DYM: variants seen among roughly 807,000 people sequenced by gnomAD.
DYM encodes dyggve-Melchior-Clausen syndrome protein.
A neutral mutation model predicts 93.1 loss-of-function variants in DYM; 78 were observed. The observed-to-expected ratio is 0.84, with a 90% CI of 0.70 to 1.01. DYM has a LOEUF of 1.01. Ranked by LOEUF, DYM falls within the 50% of genes least tolerant of loss-of-function variation. The pLI, the probability that DYM is intolerant of heterozygous loss-of-function variation, is 0.00. For missense variants in DYM, 789 were observed against 845.0 expected (o/e 0.93, Z 0.82); for synonymous variants, 321 against 319.7 (o/e 1.00, Z -0.04).
chr18:49,162,310 G>A (rs1004694966), intron 15 of DYM, among the ~76,000 whole-genome samples: 1 of 152,104 alleles, frequency 6.6e-6, no homozygotes, highest in Non-Finnish European at 1.5e-5. Flanking sequence ...TACAGTTATG[G>A]AGGCTGGGAA....
chr18:49,364,771 T>C (rs1166931538), intron 5 of DYM, among the ~76,000 whole-genome samples: 3 of 152,160 alleles, frequency 2.0e-5, no homozygotes, highest in African/African-American at 4.8e-5. Flanking sequence ...ATCCACTACA[T>C]GCCATTTCAC....
chr18:49,204,759 C>T (rs1662796819), intron 14 of DYM, among the ~76,000 whole-genome samples: 1 of 152,114 alleles, frequency 6.6e-6, no homozygotes, highest in Non-Finnish European at 1.5e-5. Context: ...ACTAAAAAAG[C>T]CTAGCAATGA....
At chr18:49,119,717 C>T (rs1351791200) in intron 15 of DYM, among the ~76,000 whole-genome samples, 1 of 152,126 alleles carries the variant, frequency 6.6e-6, no homozygotes, top group East Asian at 1.9e-4. Flanking sequence ...AAAATATCAA[C>T]ACTACTAGAC....
chr18:49,238,293 G>A (rs1402382063), intron 13 of DYM, among the ~76,000 whole-genome samples: 1 of 152,084 alleles, frequency 6.6e-6, no homozygotes, highest in Non-Finnish European at 1.5e-5. Flanking sequence ...ATATTTAAGA[G>A]CTATGTGATA....
At chr18:49,326,853 G>T (rs1323258492) in intron 8 of DYM, among the ~76,000 whole-genome samples, 2 of 152,090 alleles carry the variant, frequency 1.3e-5, no homozygotes, top group Non-Finnish European at 2.9e-5. Context: ...AGGACAGTTG[G>T]ATGCTAAATT....
chr18:49,378,623 G>T lies in DYM; in HGVS notation c.365C>A (p.Ser122Ter). ...AAAATGAAGTTGTAATTCCTCCTCT[G>T]ACATCTGACAGATGAACACTTTCAG... Reference protein sequence around the residue: ...CLLKVFICQMSEEELQLHFTY... With the variant: ...CLLKVFICQM Residue 122 changes from serine (S) to a stop codon, truncating the protein, a stop_gained, in exon 5 of 18, where the codon TCA becomes TAA. Transcript: ENST00000675505. LOFTEE classifies it high-confidence loss of function. 2 of 1,612,688 alleles carry T rather than the reference G, an allele frequency of 1.2e-6. No individual in the cohort carries two copies. Among genetic ancestry groups the T allele is most frequent in the Non-Finnish European group, 1.7e-6 (2 of 1,178,988 alleles).
At chr18:49,358,655 A>G (rs7242873) in intron 6 of DYM, among the ~76,000 whole-genome samples, 17,731 of 152,184 alleles carry the variant, frequency 0.12, 1,268 homozygotes, top group East Asian at 0.31. Flanking sequence ...TCACAGGTTC[A>G]TAAGAAAGAC....
At chr18:49,389,048 T>A (rs560783980) in intron 3 of DYM, among the ~76,000 whole-genome samples, 18 of 152,188 alleles carry the variant, frequency 1.2e-4, no homozygotes, top group African/African-American at 1.7e-4. Context: ...TACTTATTGA[T>A]GTGAAGAGGT....
chr18:49,229,010 C>CA (rs2093621112), intron 13 of DYM, among the ~76,000 whole-genome samples: 1 of 152,050 alleles, frequency 6.6e-6, no homozygotes, highest in Non-Finnish European at 1.5e-5. Context: ...CCAATGGTTA[C>CA]TCATCAGTTT....
At chr18:49,093,829 T>C (rs2079301921) in intron 17 of DYM, among the ~76,000 whole-genome samples, 1 of 152,164 alleles carries the variant, frequency 6.6e-6, no homozygotes, top group Non-Finnish European at 1.5e-5. Flanking sequence ...GACCCCTGAA[T>C]AGGAGCAAAG....
rs765093958 is a variant in DYM at position 49,257,035 on chromosome 18, G to A, written c.1435C>T (p.Gln479Ter). The A allele has an allele frequency of 6.2e-7, 1 of 1,613,896 alleles. No homozygotes were observed. Among genetic ancestry groups the A allele is most frequent in the East Asian group, 2.2e-5 (1 of 44,844 alleles). ...CTGATGATCCTCTGGGCAGCATACT[G>A]ATGGAGAGAACGAAACTGTGCCGAC... ...NMSAQFRSLH[Q>*]YAAQRIISYT... is the part of the protein sequence containing the mutation. The change falls in exon 13 of 18, where the codon CAG (glutamine) becomes TAG (stop). Residue 479 changes from glutamine to a stop codon, truncating the protein, a stop_gained. Transcript: ENST00000675505. LOFTEE classifies it high-confidence loss of function.
At chr18:49,285,427 A>G (rs1010514609) in intron 9 of DYM, among the ~76,000 whole-genome samples, 1 of 152,230 alleles carries the variant, frequency 6.6e-6, no homozygotes, top group African/African-American at 2.4e-5. Context: ...CATGCACTGC[A>G]TAATAACGTT....
chr18:49,204,536 A>T (rs1371604487), intron 14 of DYM, among the ~76,000 whole-genome samples: 1 of 152,222 alleles, frequency 6.6e-6, no homozygotes, highest in African/African-American at 2.4e-5. Flanking sequence ...CACCAAACTT[A>T]TTCACTACTC....
In DYM at chr18:49,335,789, A is replaced by G. The variant is rs558593442; in HGVS notation, c.495-1936T>C. On this transcript the variant is annotated intron_variant, in intron 6 of 17. Coordinates refer to ENST00000675505, the MANE Select transcript of DYM (RefSeq NM_001353214.3). ...ATAGGCAGATGGATGACTATGTCCA[A>G]TACATTTGCAAACGTTTTCTGTCTT... is the stretch of plus-strand genomic sequence containing the variant. Among the ~76,000 whole-genome samples, 3 of 151,556 alleles carry G rather than the reference A, an allele frequency of 2.0e-5. No homozygotes were observed. In the South Asian group the frequency reaches 6.3e-4, roughly 32 times the overall value.
At chr18:49,278,837 A>AT (rs1303479088) in intron 10 of DYM, among the ~76,000 whole-genome samples, 1 of 152,026 alleles carries the variant, frequency 6.6e-6, no homozygotes, top group Non-Finnish European at 1.5e-5. Context: ...AAAAGCACAA[A>AT]TTTTTCATTT....
chr18:49,220,854 T>A (rs2093320700), intron 13 of DYM, among the ~76,000 whole-genome samples: 1 of 152,312 alleles, frequency 6.6e-6, no homozygotes, highest in East Asian at 1.9e-4. Context: ...GGCAAGGACT[T>A]CATGTCTAAA....
intron 5 of DYM, among the ~76,000 whole-genome samples, chr18:49,367,937 T>C (rs1483103896): frequency 6.6e-6 from 1 of 152,238 alleles, no homozygotes; most frequent in African/African-American, 2.4e-5. Context: ...CGGTAGAGTC[T>C]ATGTTTTTGC....
chr18:49,263,085 T>C (rs2094514492), intron 11 of DYM, among the ~76,000 whole-genome samples: 1 of 152,100 alleles, frequency 6.6e-6, no homozygotes, highest in Admixed American at 6.6e-5. Context: ...CTGCGAGAAT[T>C]TACTAGGAAG....
At chr18:49,356,689 A>G (rs1188657691) in intron 6 of DYM, among the ~76,000 whole-genome samples, 4 of 152,182 alleles carry the variant, frequency 2.6e-5, no homozygotes, top group African/African-American at 9.7e-5. Flanking sequence ...TAAAGAAACC[A>G]TTTATGACTC....
Sources: allele counts gnomAD v4.1 joint callset (sites outside exome capture counted in the v4.1 genomes callset), GRCh38; gene constraint gnomAD v4.1.1; transcripts MANE v1.5; gene names NCBI Gene and HGNC (gene_info 2026-07-23, HGNC 2026-07-21).